Variants in EML1 observed in about 807,000 individuals in gnomAD.
EML1 encodes the protein EMAP like 1, also known as echinoderm microtubule-associated protein-like 1.
In EML1, 27 loss-of-function variants were observed where a neutral mutation model predicts 110.4. That is an observed-to-expected ratio of 0.24 (90% CI 0.18 to 0.34). The LOEUF (loss-of-function observed/expected upper bound fraction) is 0.34. EML1 is among the 10% of genes least tolerant of loss of function. The probability of loss-of-function intolerance (pLI) is 1.00; values close to 1 mark genes in which losing one functional copy is unlikely to be tolerated. For missense variants in EML1, 741 were observed against 1,030.9 expected (o/e 0.72, Z 3.85); for synonymous variants, 344 against 385.8 (o/e 0.89, Z 1.27).
chr14:99,921,850 T>G lies in EML1; in HGVS notation c.1909+973T>G, dbSNP rs141780502. On this transcript the variant is annotated intron_variant, in intron 17 of 21. Coordinates refer to ENST00000262233, the MANE Select transcript of EML1 (RefSeq NM_004434.3). ...CAACAACCATCACTACAGTCCAGTT[T>G]TTTAACCTTTTCATCATCCAAAAAG... Among the ~76,000 whole-genome samples the G allele has an allele frequency of 5.3e-5, 8 of 152,342 alleles. No individual in the cohort carries two copies. In the East Asian group the frequency reaches 1.5e-3, roughly 29 times the overall value.
chr14:99,744,862 T>C (rs1361652346), intron 1 of EML1, among the ~76,000 whole-genome samples: 1 of 152,206 alleles, frequency 6.6e-6, no homozygotes, highest in Non-Finnish European at 1.5e-5. Context: ...TTGGAATGAG[T>C]AGGCTGTGGA....
chr14:99,935,898 T>C (rs1393188558), intron 17 of EML1, 131 bp from the exon 18 acceptor site: 1 of 848,688 alleles, frequency 1.2e-6, no homozygotes, highest in Non-Finnish European at 1.8e-6. Context: ...GAAAAGCAGA[T>C]TTTTCTCTTG....
rs570275906 is a variant in EML1, at chr14:99,847,942, T to A, written c.68-2911T>A. ...AGCATATAGTTGGGTTTTGCTTTTTTAAAAAAAAAATTATTCTGCCATCCT... is the reference window on the plus strand; with the variant it reads ...AGCATATAGTTGGGTTTTGCTTTTTAAAAAAAAAAATTATTCTGCCATCCT... On this transcript the variant is annotated intron_variant, in intron 1 of 21. Transcript: ENST00000262233. 1.7e-3 allele frequency among the ~76,000 whole-genome samples: 255 copies of A among 151,378 alleles called. 1 individual carries two copies. The highest frequency in any genetic ancestry group is 0.014 in the Middle Eastern group (4 of 294).
In EML1 at chr14:99,939,074, C is replaced by T. The variant is rs112440319; in HGVS notation, c.2192-123C>T. The T allele has an allele frequency of 4.2e-4, 608 of 1,461,168 alleles. 3 individuals carry two copies. In the African/African-American group the frequency reaches 7.3e-3, roughly 18 times the overall value. 90.5% of individuals were successfully genotyped at this position (1,461,168 alleles called of 1,614,324 possible). A position where few individuals can be genotyped will look rare whatever the true frequency, so the allele number is the denominator to read the frequency against. ...CTGAGGCTATTGTGCTTTTTTGACCCTTGTTTCTAAAGCTGGACTTCAGGC... is the reference window on the plus strand; with the variant it reads ...CTGAGGCTATTGTGCTTTTTTGACCTTTGTTTCTAAAGCTGGACTTCAGGC... On this transcript the variant is annotated intron_variant, in intron 20 of 21. Transcript: ENST00000262233. This position sits in a 1 kb window ranked among gnomAD's most constrained non-coding sequence, Gnocchi z 4.2.
intron 1 of EML1, among the ~76,000 whole-genome samples, chr14:99,794,437 A>C (rs1201773245): frequency 6.6e-6 from 1 of 152,088 alleles, no homozygotes; most frequent in East Asian, 1.9e-4. Context: ...GAATTTGCTT[A>C]AGTGCAGTCG....
At chr14:99,833,450 G>A (rs1030620860) in intron 1 of EML1, among the ~76,000 whole-genome samples, 2 of 152,154 alleles carry the variant, frequency 1.3e-5, no homozygotes, top group Non-Finnish European at 2.9e-5. Flanking sequence ...TTTCAAAGTT[G>A]TGGCTAGTCT....
At chr14:99,768,089 G>A (rs954961115), upstream of EML1, among the ~76,000 whole-genome samples, 8 of 152,254 alleles carry the variant, frequency 5.3e-5, no homozygotes, top group East Asian at 9.6e-4. Context: ...TCACTCCTTC[G>A]ACTTCCCAGT....
At chr14:99,767,916 C>T (rs2057383987) in intron 1 of EML1, among the ~76,000 whole-genome samples, 1 of 152,126 alleles carries the variant, frequency 6.6e-6, no homozygotes, top group South Asian at 2.1e-4. Flanking sequence ...TCTGAACACC[C>T]CCCACACTAC....
At chr14:99,903,904 T>A (rs1023637915) in intron 9 of EML1, among the ~76,000 whole-genome samples, 4 of 150,716 alleles carry the variant, frequency 2.7e-5, no homozygotes, top group African/African-American at 9.7e-5. Flanking sequence ...CCACCTCACC[T>A]CCCTAGAAGC....
chr14:99,738,850 G>C (rs1313627627), intron 1 of EML1, among the ~76,000 whole-genome samples: 1 of 152,144 alleles, frequency 6.6e-6, no homozygotes, highest in East Asian at 1.9e-4. Context: ...TCCTCCAGCA[G>C]GGCCTCCTTC....
Position 99,933,866 on chromosome 14 carries a change from G to A in EML1, c.1910-2163G>A, listed in dbSNP as rs138633720. ...CCCAGCACTTCGGGGAGGCCAAGGC[G>A]GGTGGATCACCTGAGGTCAGGAGAT... On this transcript the variant is annotated intron_variant, in intron 17 of 21. Transcript: ENST00000262233. Among the ~76,000 whole-genome samples the A allele has an allele frequency of 3.5e-3, 526 of 152,318 alleles. 3 individuals carry two copies. The highest frequency in any genetic ancestry group is 0.011 in the African/African-American group (456 of 41,560).
At chr14:99,914,906 A>G (rs2060008021) in intron 15 of EML1, 1 of 621,528 alleles carries the variant, frequency 1.6e-6, no homozygotes, top group South Asian at 2.2e-5. Context: ...TTTGAAGTTT[A>G]CTGTTGAAAT....
Position 99,850,856 on chromosome 14 carries a change from A to T in EML1, c.71A>T (p.Asp24Val), listed in dbSNP as rs748407253. The T allele has an allele frequency of 6.2e-7, 1 of 1,612,988 alleles. No individual in the cohort carries two copies. Among genetic ancestry groups the T allele is most frequent in the Non-Finnish European group, 8.5e-7 (1 of 1,179,252 alleles). ...CTTGATCCTTTCTTTGGTTTAGATG[A>T]CAGCGCTTCTGCTGCAAGTAGCATG... ...TSSLLQFCND[D>V]SASAASSMEV... The change falls in exon 2 of 22, where the codon GAC (aspartate) becomes GTC (valine). Residue 24 changes from aspartate to valine, a missense_variant. By Grantham distance (152) the Asp-to-Val change is radical. Transcript: ENST00000262233.
At chr14:99,824,140 A>G (rs1198256149) in intron 1 of EML1, among the ~76,000 whole-genome samples, 1 of 151,968 alleles carries the variant, frequency 6.6e-6, no homozygotes, top group Non-Finnish European at 1.5e-5. Flanking sequence ...GTATTTTTTT[A>G]GTAGAGATGG....
chr14:99,896,417 T>C (rs2059672241), intron 6 of EML1, among the ~76,000 whole-genome samples: 1 of 152,214 alleles, frequency 6.6e-6, no homozygotes, highest in South Asian at 2.1e-4. Context: ...TTTTGGAATC[T>C]ATCTTGATAC....
chr14:99,815,302 C>T (rs139327835), intron 1 of EML1, among the ~76,000 whole-genome samples: 2,939 of 152,096 alleles, frequency 0.019, 54 homozygotes, highest in Non-Finnish European at 0.03. Flanking sequence ...CCACCACTCC[C>T]GGCTAATTTT....
At chr14:99,821,695 C>T (rs186476205) in intron 1 of EML1, among the ~76,000 whole-genome samples, 1 of 152,284 alleles carries the variant, frequency 6.6e-6, no homozygotes, top group Non-Finnish European at 1.5e-5. Flanking sequence ...CCACTGCACT[C>T]CAGCCTGGGC....
At chr14:99,874,800 C>T (rs547909311) in intron 3 of EML1, 41 of 651,362 alleles carry the variant, frequency 6.3e-5, no homozygotes, top group East Asian at 2.2e-4. Flanking sequence ...TCTATATTTG[C>T]GAACCAAAAT....
chr14:99,919,399 C>A (rs2060088889), intron 16 of EML1, among the ~76,000 whole-genome samples: 1 of 138,748 alleles, frequency 7.2e-6, no homozygotes, highest in African/African-American at 2.6e-5. Context: ...TTTGTATAGC[C>A]ACACACACAC....
Sources: allele counts gnomAD v4.1 joint callset (sites outside exome capture counted in the v4.1 genomes callset), GRCh38; gene constraint gnomAD v4.1.1; non-coding constraint Gnocchi (gnomAD v3.1); transcripts MANE v1.5; gene names NCBI Gene and HGNC (gene_info 2026-07-23, HGNC 2026-07-21).